Variants in RAB11FIP4 observed in about 807,000 individuals in gnomAD.
RAB11FIP4 encodes the protein RAB11 family interacting protein 4, also known as rab11 family-interacting protein 4.
In RAB11FIP4, 23 loss-of-function variants were observed where a neutral mutation model predicts 74.3. The ratio of observed to expected loss-of-function variants is 0.31; its 90% CI spans 0.22 to 0.44. The LOEUF (loss-of-function observed/expected upper bound fraction) is 0.44, where lower values mean the gene tolerates loss of function less well. RAB11FIP4 is among the 20% of genes least tolerant of loss of function. The pLI, the probability that RAB11FIP4 is intolerant of heterozygous loss-of-function variation, is 1.00. For synonymous variants in RAB11FIP4, 360 were observed against 359.9 expected (o/e 1.00, Z 0.00); for missense variants, 630 against 863.9 (o/e 0.73, Z 3.39).
chr17:31,418,901 A>G (rs2071173037), intron 1 of RAB11FIP4, among the ~76,000 whole-genome samples: 1 of 152,192 alleles, frequency 6.6e-6, no homozygotes, highest in Non-Finnish European at 1.5e-5. Context: ...GCCATCAGGG[A>G]CAGAACGGCT....
chr17:31,524,930 G>GTTCATCTCTCTGAA, intron 9 of RAB11FIP4, 160 bp from the exon 10 acceptor site: 3 of 811,616 alleles, frequency 3.7e-6, no homozygotes, highest in Middle Eastern at 3.7e-4. Context: ...CTCTATATGT[G>GTTCATCTCTCTGAA]CGGTGTCCCC....
intron 1 of RAB11FIP4, among the ~76,000 whole-genome samples, chr17:31,402,120 G>A (rs545746823): frequency 2.6e-5 from 4 of 151,820 alleles, no homozygotes; most frequent in East Asian, 1.9e-4. Flanking sequence ...CATTAGCCAC[G>A]CACCCCTTAG....
Position 31,512,534 on chromosome 17 carries a change from C to T in RAB11FIP4, c.337-5117C>T, listed in dbSNP as rs1377512875. Among the ~76,000 whole-genome samples the T allele has an allele frequency of 6.6e-6, 1 of 152,166 alleles. No homozygotes were observed. The highest frequency in any genetic ancestry group is 1.5e-5 in the Non-Finnish European group (1 of 68,010). On this transcript the variant is annotated intron_variant, in intron 3 of 14. Transcript: ENST00000621161. The surrounding 1 kb of genome is among the most constrained non-coding windows in gnomAD (Gnocchi z 4.1). ...GGTCCGCTGGCAGGTGGAAGAAAGC[C>T]TGGGGTGGTGTGGCCATGTACCAGC...
At chr17:31,516,207 G>T (rs529881733) in intron 3 of RAB11FIP4, among the ~76,000 whole-genome samples, 1 of 151,612 alleles carries the variant, frequency 6.6e-6, no homozygotes, top group Non-Finnish European at 1.5e-5. Context: ...GGTCATGTAG[G>T]GTGGATCCCA....
intron 10 of RAB11FIP4, chr17:31,525,833 A>G (rs760599074): frequency 6.6e-6 from 1 of 152,640 alleles, no homozygotes; most frequent in Admixed American, 6.5e-5. Flanking sequence ...TCTGTGATGA[A>G]GCCCCTTTGC....
At chr17:31,494,233 G>A (rs772440949) in intron 3 of RAB11FIP4, among the ~76,000 whole-genome samples, 1 of 151,260 alleles carries the variant, frequency 6.6e-6, no homozygotes, top group Non-Finnish European at 1.5e-5. Flanking sequence ...CCTTGCTATT[G>A]GTGGAATCTT....
rs144926498 is a variant in RAB11FIP4 at position 31,531,688 on chromosome 17, G to A, written c.1870G>A (p.Ala624Thr). Residue 624 changes from alanine to threonine, a missense_variant, in exon 15 of 15, where the codon GCC becomes ACC. Physicochemically the swap from Ala to Thr is moderately conservative, Grantham distance 58. Coordinates refer to ENST00000621161, the MANE Select transcript of RAB11FIP4 (RefSeq NM_032932.6). ...GCAGTACATGGACAAGATTATCCTC[G>A]CCATCCTGGACCACAATCCCTCCAT... ...LRQYMDKIIL[A>T]ILDHNPSILE... is the part of the protein sequence containing the mutation. 1.6e-5 allele frequency: 26 copies of A among 1,613,888 alleles called. No individual in the cohort carries two copies. The African/African-American group carries it at 2.0e-4, about 12-fold the overall frequency.
chr17:31,537,026 A>G lies in RAB11FIP4; in HGVS notation c.*5294A>G. 1 of 399,294 alleles carries G rather than the reference A, an allele frequency of 2.5e-6. No homozygotes were observed. Among genetic ancestry groups the G allele is most frequent in the Non-Finnish European group, 4.4e-6 (1 of 226,228 alleles). 24.7% of individuals were successfully genotyped at this position (399,294 alleles called of 1,614,324 possible). The stretch of plus-strand genomic sequence containing the variant: ...GCATCCAGGCCATGTCTCCTGCAGG[A>G]TCCAAGTGCTGTTGTCCCCAGGGTG... On this transcript the variant is annotated 3_prime_UTR_variant, in exon 15 of 15. Transcript: ENST00000621161.
chr17:31,488,093 G>A, intron 3 of RAB11FIP4: 2 of 1,015,916 alleles, frequency 2.0e-6, no homozygotes, highest in Non-Finnish European at 2.3e-6. Flanking sequence ...GGGCGGGGGC[G>A]GGGCCGCGCC....
chr17:31,447,268 A>C (rs533784440), intron 3 of RAB11FIP4, among the ~76,000 whole-genome samples: 1 of 152,196 alleles, frequency 6.6e-6, no homozygotes, highest in Non-Finnish European at 1.5e-5. Flanking sequence ...TGGGCCACAG[A>C]GCGTGAGACT....
At chr17:31,501,098 A>G (rs1223845087) in intron 3 of RAB11FIP4, among the ~76,000 whole-genome samples, 1 of 152,180 alleles carries the variant, frequency 6.6e-6, no homozygotes, top group Non-Finnish European at 1.5e-5. Context: ...CCTGATAATC[A>G]TAGATTCACC....
Position 31,531,694 on chromosome 17 carries a change from C to A in RAB11FIP4, c.1876C>A (p.Leu626Met). The A allele has an allele frequency of 6.2e-7, 1 of 1,614,022 alleles. No individual in the cohort carries two copies. Among genetic ancestry groups the A allele is most frequent in the Admixed American group, 1.7e-5 (1 of 60,030 alleles). ...CATGGACAAGATTATCCTCGCCATC[C>A]TGGACCACAATCCCTCCATCCTCGA... ...QYMDKIILAI[L>M]DHNPSILEIK... Residue 626 changes from leucine to methionine, a missense_variant, in exon 15 of 15, where the codon CTG becomes ATG. Physicochemically the swap from Leu to Met is conservative, Grantham distance 15. Coordinates refer to ENST00000621161, the MANE Select transcript of RAB11FIP4 (RefSeq NM_032932.6).
At chr17:31,410,697 T>G (rs528117997) in intron 1 of RAB11FIP4, among the ~76,000 whole-genome samples, 3 of 152,156 alleles carry the variant, frequency 2.0e-5, no homozygotes, top group Admixed American at 2.0e-4. Context: ...GAAGGGGTGA[T>G]GGCACAGCCC....
intron 3 of RAB11FIP4, among the ~76,000 whole-genome samples, chr17:31,484,556 G>C (rs955907340): frequency 6.6e-6 from 1 of 152,028 alleles, no homozygotes; most frequent in Non-Finnish European, 1.5e-5. Flanking sequence ...CCTAGCCTGT[G>C]TTAGAGCCCT....
At chr17:31,489,133 T>C (rs35420776) in intron 3 of RAB11FIP4, among the ~76,000 whole-genome samples, 57,312 of 152,138 alleles carry the variant, frequency 0.38, 11,805 homozygotes, top group East Asian at 0.51. Flanking sequence ...GGGTCCTGTC[T>C]CTGCACTTAG....
chr17:31,471,082 T>G (rs78421108), intron 3 of RAB11FIP4, among the ~76,000 whole-genome samples: 1 of 146,684 alleles, frequency 6.8e-6, no homozygotes. Context: ...TTTTTTTTTT[T>G]GAGATAGGGT....
intron 2 of RAB11FIP4, 91 bp downstream of exon 2, chr17:31,431,991 C>G: frequency 1.0e-6 from 1 of 985,036 alleles, no homozygotes; most frequent in South Asian, 1.5e-5. Flanking sequence ...CTGGATTCCT[C>G]CCCACAGGGG....
intron 1 of RAB11FIP4, among the ~76,000 whole-genome samples, chr17:31,408,586 C>A (rs574991162): frequency 2.0e-5 from 3 of 152,158 alleles, no homozygotes; most frequent in African/African-American, 7.2e-5. Context: ...TAGTAGTTTT[C>A]TGGTTGATGA....
At chr17:31,418,930 C>G (rs929255679) in intron 1 of RAB11FIP4, among the ~76,000 whole-genome samples, 1 of 152,196 alleles carries the variant, frequency 6.6e-6, no homozygotes, top group Admixed American at 6.6e-5. Context: ...AAATTCTCTC[C>G]GGCTGCTCCT....
Sources: gnomAD v4.1 joint callset for allele counts (sites outside exome capture counted in the v4.1 genomes callset) on GRCh38, gnomAD v4.1.1 for gene constraint, Gnocchi (gnomAD v3.1) non-coding constraint, MANE v1.5 for transcripts, NCBI Gene and HGNC (gene_info 2026-07-23, HGNC 2026-07-21) for gene names.